The following ASIC2 variants were observed in gnomAD, a reference collection of about 807,000 sequenced individuals.
ASIC2 encodes the protein acid-sensing ion channel 2.
In ASIC2, 25 loss-of-function variants were observed where a neutral mutation model predicts 57.3. The ratio of observed to expected loss-of-function variants is 0.44; its 90% CI spans 0.32 to 0.61. The LOEUF (loss-of-function observed/expected upper bound fraction) is 0.61. ASIC2 is among the 20% of genes least tolerant of loss of function. The pLI, the probability that ASIC2 is intolerant of heterozygous loss-of-function variation, is 0.06. For missense variants in ASIC2, 641 were observed against 738.1 expected, an observed-to-expected ratio of 0.87 and a Z score of 1.52; for synonymous variants, 319 against 307.5, an observed-to-expected ratio of 1.04 and a Z score of -0.39.
intron 1 of ASIC2, among the ~76,000 whole-genome samples, chr17:33,603,159 T>C (rs1905149071): frequency 6.6e-6 from 1 of 152,220 alleles, no homozygotes; most frequent in South Asian, 2.1e-4. Flanking sequence ...CTGTGACTGG[T>C]TGTCATGGCA....
chr17:33,759,591 C>A (rs574546464), intron 1 of ASIC2, among the ~76,000 whole-genome samples: 1 of 152,158 alleles, frequency 6.6e-6, no homozygotes, highest in African/African-American at 2.4e-5. Context: ...TTTGAGGCTG[C>A]CCCTCCCATC....
chr17:33,752,066 G>C (rs1238575008), intron 1 of ASIC2, among the ~76,000 whole-genome samples: 1 of 152,162 alleles, frequency 6.6e-6, no homozygotes, highest in Non-Finnish European at 1.5e-5. Flanking sequence ...CACTGGGAAG[G>C]AGTGAAGAGC....
At position 34,153,559 on chromosome 17, in the gene ASIC2, G is replaced by A. The variant is rs568373914; in HGVS notation, c.555+2419C>T. Among the ~76,000 whole-genome samples the A allele has an allele frequency of 3.9e-5, 6 of 152,338 alleles. No individual in the cohort carries two copies. In the East Asian group the frequency reaches 1.2e-3, roughly 29 times the overall value. ...CACTACAAGGTCTTGAGCAAACTCAGCATCATGTTCCCTCTAGTAAAGGCT... is the reference window on the plus strand; with the variant it reads ...CACTACAAGGTCTTGAGCAAACTCAACATCATGTTCCCTCTAGTAAAGGCT... On this transcript the variant is annotated intron_variant, in intron 1 of 9. Coordinates refer to the ASIC2 transcript ENST00000359872.
chr17:33,240,233 C>CT, intron 1 of ASIC2, among the ~76,000 whole-genome samples: 1 of 152,282 alleles, frequency 6.6e-6, no homozygotes, highest in Non-Finnish European at 1.5e-5. Flanking sequence ...GCACAGATGG[C>CT]TATCACAAAA....
chr17:34,025,199 CTT>C (rs1435061948), intron 1 of ASIC2, among the ~76,000 whole-genome samples: 1 of 152,238 alleles, frequency 6.6e-6, no homozygotes, highest in Non-Finnish European at 1.5e-5. Flanking sequence ...GCCCCTGAGT[CTT>C]TGTCTGGAAG....
In ASIC2 at chr17:33,112,054, T is replaced by C; in HGVS notation, c.722A>G (p.Tyr241Cys). Residue 241 changes from tyrosine to cysteine, a missense_variant, in exon 2 of 10, where the codon TAT becomes TGT. Tyr to Cys is a radical substitution (Grantham distance 194). Around this residue, in one of 3 missense-constraint regions of ASIC2, gnomAD observed 382 missense variants for 398.0 expected, o/e 0.96. Transcript: ENST00000225823. ...TGAGTTAAACATGTAACACTTCCCA[T>C]ATTTTGTAAACACCTGAAGGAGAGA... ...PHNFSSVFTK[Y>C]GKCYMFNSGE... 2 of 1,613,304 alleles carry C rather than the reference T, an allele frequency of 1.2e-6. No homozygotes were observed. Among genetic ancestry groups the C allele is most frequent in the Non-Finnish European group, 1.7e-6 (2 of 1,179,700 alleles).
At chr17:33,816,953 C>A (rs958905514) in intron 1 of ASIC2, among the ~76,000 whole-genome samples, 11 of 152,254 alleles carry the variant, frequency 7.2e-5, no homozygotes, top group African/African-American at 2.7e-4. Flanking sequence ...CTGTCTCTTT[C>A]CAGGGTCTGC....
chr17:33,644,931 C>T (rs1037042274), intron 1 of ASIC2, among the ~76,000 whole-genome samples: 1 of 152,090 alleles, frequency 6.6e-6, no homozygotes, highest in Non-Finnish European at 1.5e-5. Flanking sequence ...GGAGGAAGAA[C>T]AGTAGGAAGA....
intron 1 of ASIC2, among the ~76,000 whole-genome samples, chr17:33,931,961 A>G (rs1438594244): frequency 1.3e-5 from 2 of 152,234 alleles, no homozygotes; most frequent in African/African-American, 4.8e-5. Flanking sequence ...AACTGATTAG[A>G]TGAGAGCCAT....
intron 1 of ASIC2, among the ~76,000 whole-genome samples, chr17:33,392,463 C>T (rs1459491863): frequency 6.6e-6 from 1 of 152,016 alleles, no homozygotes. Context: ...CGGGGTTTTC[C>T]CATGTTGCCC....
In ASIC2 at chr17:33,140,840, C is replaced by T. The variant is rs554870540; in HGVS notation, c.709-28773G>A. Among the ~76,000 whole-genome samples, 20 of 152,358 alleles carry T rather than the reference C, an allele frequency of 1.3e-4. 1 individual carries two copies. The highest frequency in any genetic ancestry group is 9.8e-4 in the Admixed American group (15 of 15,310). On this transcript the variant is annotated intron_variant, in intron 1 of 9. Coordinates refer to ENST00000225823, the MANE Select transcript of ASIC2 (RefSeq NM_183377.2). Reference sequence around the variant, plus strand: ...AAAGCATGCTGGACTAGCTGTTAAGCCCAGCCAGGGCTGCCTCAGTGAATG... The same window carrying T: ...AAAGCATGCTGGACTAGCTGTTAAGTCCAGCCAGGGCTGCCTCAGTGAATG...
At chr17:33,600,131 A>G (rs1905087222) in intron 1 of ASIC2, among the ~76,000 whole-genome samples, 1 of 152,268 alleles carries the variant, frequency 6.6e-6, no homozygotes, top group East Asian at 1.9e-4. Context: ...TTTCATGGGT[A>G]AGTCAGTTCC....
chr17:33,148,955 A>G (rs557546686), intron 1 of ASIC2, among the ~76,000 whole-genome samples: 2 of 152,244 alleles, frequency 1.3e-5, no homozygotes, highest in East Asian at 3.9e-4. Flanking sequence ...TTAGCTGGGC[A>G]TGATGGCAGG....
chr17:33,854,282 T>C (rs1216362632), intron 1 of ASIC2, among the ~76,000 whole-genome samples: 1 of 152,222 alleles, frequency 6.6e-6, no homozygotes, highest in Non-Finnish European at 1.5e-5. Flanking sequence ...TGTCTACTTA[T>C]AAGCTGATGT....
intron 1 of ASIC2, among the ~76,000 whole-genome samples, chr17:33,315,595 T>C (rs1375331691): frequency 6.6e-6 from 1 of 152,214 alleles, no homozygotes; most frequent in Non-Finnish European, 1.5e-5. Context: ...GTTAAATGAT[T>C]CTCATTATCT....
At chr17:33,459,667 G>A (rs1404051615) in intron 1 of ASIC2, among the ~76,000 whole-genome samples, 1 of 152,198 alleles carries the variant, frequency 6.6e-6, no homozygotes, top group African/African-American at 2.4e-5. Context: ...CTGTTCTGTC[G>A]GGGTGGGAAC....
chr17:34,085,649 C>A (rs1279252027), intron 1 of ASIC2, among the ~76,000 whole-genome samples: 1 of 152,080 alleles, frequency 6.6e-6, no homozygotes, highest in African/African-American at 2.4e-5. Context: ...TAGAATTTGG[C>A]TGTGAATCCA....
At chr17:33,543,166 T>C (rs938359253) in intron 1 of ASIC2, among the ~76,000 whole-genome samples, 25 of 146,032 alleles carry the variant, frequency 1.7e-4, no homozygotes, top group African/African-American at 5.7e-4. Context: ...GGGATAGCAT[T>C]GGGAGATATA....
intron 3 of ASIC2, among the ~76,000 whole-genome samples, chr17:33,077,282 T>C (rs79436650): frequency 0.069 from 10,462 of 152,180 alleles, 401 homozygotes; most frequent in Middle Eastern, 0.099. Flanking sequence ...GTGATGACTC[T>C]CATTTCAGAA....
Sources: allele counts gnomAD v4.1 joint callset (sites outside exome capture counted in the v4.1 genomes callset), GRCh38; gene constraint gnomAD v4.1.1; regional missense constraint gnomAD v4.1.1; transcripts MANE v1.5; gene names NCBI Gene and HGNC (gene_info 2026-07-23, HGNC 2026-07-21).